Variants in CYP7B1 observed in about 807,000 individuals in gnomAD.
The protein encoded by CYP7B1 is cytochrome P450 family 7 subfamily B member 1.
In CYP7B1, 29 loss-of-function variants were observed where a neutral mutation model predicts 42.7. That is an observed-to-expected ratio of 0.68 (90% CI 0.51 to 0.93). The LOEUF is 0.93. CYP7B1 is among the 40% of genes least tolerant of loss of function. The pLI, the probability that CYP7B1 is intolerant of heterozygous loss-of-function variation, is 0.00. For missense variants in CYP7B1, 655 were observed against 600.5 expected, an observed-to-expected ratio of 1.09 and a Z score of -0.95; for synonymous variants, 235 against 218.2, an observed-to-expected ratio of 1.08 and a Z score of -0.68.
chr8:64,650,727 A>G (rs1806026297), intron 1 of CYP7B1, among the ~76,000 whole-genome samples: 1 of 152,252 alleles, frequency 6.6e-6, no homozygotes, highest in African/African-American at 2.4e-5. Context: ...AAAGATTTTT[A>G]AAAGTTTAAA....
chr8:64,774,026 C>T (rs1310184217), intron 1 of CYP7B1, among the ~76,000 whole-genome samples: 3 of 152,164 alleles, frequency 2.0e-5, no homozygotes, highest in African/African-American at 7.2e-5. Context: ...AACCATAGCA[C>T]CTAGTACGGT....
chr8:64,688,954 T>C (rs1806697918), intron 1 of CYP7B1, among the ~76,000 whole-genome samples: 1 of 152,044 alleles, frequency 6.6e-6, no homozygotes, highest in Non-Finnish European at 1.5e-5. Context: ...AAAACAAAAA[T>C]AAAAAATGTT....
At chr8:64,754,270 C>G (rs939576398) in intron 1 of CYP7B1, among the ~76,000 whole-genome samples, 1 of 152,250 alleles carries the variant, frequency 6.6e-6, no homozygotes, top group East Asian at 1.9e-4. Context: ...GATTACATCA[C>G]GAAAGCCCTG....
At chr8:64,601,003 G>T (rs1805194674) in intron 5 of CYP7B1, among the ~76,000 whole-genome samples, 1 of 152,078 alleles carries the variant, frequency 6.6e-6, no homozygotes, top group African/African-American at 2.4e-5. Flanking sequence ...ATATATGTTT[G>T]TTTCCTTTAA....
At chr8:64,748,113 G>C (rs529333377) in intron 1 of CYP7B1, among the ~76,000 whole-genome samples, 12 of 152,244 alleles carry the variant, frequency 7.9e-5, no homozygotes, top group Admixed American at 2.0e-4. Context: ...GATGTCTGAT[G>C]AGAGACATCA....
At chr8:64,761,104 G>A (rs1807883094) in intron 1 of CYP7B1, among the ~76,000 whole-genome samples, 1 of 152,122 alleles carries the variant, frequency 6.6e-6, no homozygotes. Flanking sequence ...GCAAGCATTA[G>A]ATGATATCAC....
downstream of CYP7B1, among the ~76,000 whole-genome samples, chr8:64,587,162 G>A (rs1177269754): frequency 6.6e-6 from 1 of 152,240 alleles, no homozygotes; most frequent in Non-Finnish European, 1.5e-5. Context: ...AGCAGGTCCA[G>A]CATCCCTAGG....
At chr8:64,707,819 T>C (rs1319296482) in intron 1 of CYP7B1, among the ~76,000 whole-genome samples, 4 of 152,140 alleles carry the variant, frequency 2.6e-5, no homozygotes, top group Non-Finnish European at 5.9e-5. Context: ...TTGGAAATTA[T>C]ACATAGGAAA....
intron 1 of CYP7B1, among the ~76,000 whole-genome samples, chr8:64,746,912 T>C (rs1274841525): frequency 6.6e-6 from 1 of 151,892 alleles, no homozygotes; most frequent in Non-Finnish European, 1.5e-5. Context: ...CATAAAATTG[T>C]ATATACCCTC....
chr8:64,745,568 T>A (rs894110246), intron 1 of CYP7B1, among the ~76,000 whole-genome samples: 1 of 152,176 alleles, frequency 6.6e-6, no homozygotes, highest in African/African-American at 2.4e-5. Flanking sequence ...TTACCACTAA[T>A]ACTAACAGAC....
At chr8:64,784,811 A>C (rs1237263137) in intron 1 of CYP7B1, among the ~76,000 whole-genome samples, 1 of 152,190 alleles carries the variant, frequency 6.6e-6, no homozygotes, top group Non-Finnish European at 1.5e-5. Context: ...TTACGAAAAA[A>C]AGTTAAAATA....
rs1188111786 is a variant in CYP7B1, at chr8:64,798,519, G to C, written c.69C>G (p.Ala23=). Residue 23 remains alanine (A), a synonymous_variant, in exon 1 of 6, where the codon GCC becomes GCG. Transcript: ENST00000310193. ...CCAGGAGCAGCAGGGCCGCGGCGAG[G>C]GCCAGGCCCGGGAGGCCCAACCGCT... ...SLERLGLPGL[A]LAAALLLLAL... is the part of the protein sequence containing the mutation. 3 of 1,504,486 alleles carry C rather than the reference G, an allele frequency of 2.0e-6. No individual in the cohort carries two copies. Among genetic ancestry groups the C allele is most frequent in the East Asian group, 5.4e-5 (2 of 36,816 alleles). The allele number at this position is 1,504,486 out of a possible 1,614,324, so 93.2% of individuals were successfully genotyped here.
At chr8:64,628,745 G>C (rs1039436238) in intron 1 of CYP7B1, among the ~76,000 whole-genome samples, 15 of 152,178 alleles carry the variant, frequency 9.9e-5, no homozygotes, top group Admixed American at 2.0e-4. Context: ...TGGATGTAAA[G>C]TGTAAAGAGG....
At chr8:64,647,515 G>C (rs1016841244) in intron 1 of CYP7B1, among the ~76,000 whole-genome samples, 3 of 152,128 alleles carry the variant, frequency 2.0e-5, no homozygotes, top group African/African-American at 7.2e-5. Context: ...ATTGCCTCAC[G>C]TGGTTATGAA....
At chr8:64,624,945 A>C (rs1805586237) in intron 1 of CYP7B1, among the ~76,000 whole-genome samples, 1 of 83,156 alleles carries the variant, frequency 1.2e-5, no homozygotes, top group Non-Finnish European at 2.2e-5. Flanking sequence ...AGTCCATTAT[A>C]TCATTCTTTT....
At chr8:64,674,132 CT>C (rs2129631768) in intron 1 of CYP7B1, among the ~76,000 whole-genome samples, 1 of 152,106 alleles carries the variant, frequency 6.6e-6, no homozygotes, top group African/African-American at 2.4e-5. Context: ...ACCTAATTAA[CT>C]TTGTTAAAAT....
intron 2 of CYP7B1, 111 bp from the exon 3 acceptor site, chr8:64,616,392 A>G (rs1805449978): frequency 1.4e-6 from 1 of 734,494 alleles, no homozygotes; most frequent in Non-Finnish European, 2.3e-6. Flanking sequence ...CCTAATAACT[A>G]AGGCAAAAAG....
chr8:64,589,201 T>C (rs1035961963), downstream of CYP7B1, among the ~76,000 whole-genome samples: 6 of 152,342 alleles, frequency 3.9e-5, no homozygotes, highest in Admixed American at 3.3e-4. Context: ...CGTGGAGTAG[T>C]TGATGTGGAC....
chr8:64,686,080 C>A (rs1266603479), intron 1 of CYP7B1, among the ~76,000 whole-genome samples: 2 of 125,508 alleles, frequency 1.6e-5, no homozygotes, highest in Non-Finnish European at 1.7e-5. Flanking sequence ...ACCCGGCCAG[C>A]CGCCCCGTCC....
Sources: allele counts gnomAD v4.1 joint callset (sites outside exome capture counted in the v4.1 genomes callset), GRCh38; gene constraint gnomAD v4.1.1; transcripts MANE v1.5; gene names NCBI Gene and HGNC (gene_info 2026-07-23, HGNC 2026-07-21).